Variants in STON2 observed in about 807,000 individuals in gnomAD.
STON2 encodes the protein stonin-2.
In STON2, 29 loss-of-function variants were observed where a neutral mutation model predicts 65.7. The observed-to-expected ratio is 0.44, with a 90% confidence interval of 0.33 to 0.60. The LOEUF is 0.60. Ranked by LOEUF, STON2 falls within the 20% of genes least tolerant of loss-of-function variation. The probability of loss-of-function intolerance (pLI) is 0.03; values close to 1 mark genes in which losing one functional copy is unlikely to be tolerated. For synonymous variants in STON2, 404 were observed against 414.2 expected, an observed-to-expected ratio of 0.98 and a Z score of 0.30; for missense variants, 1,054 against 1,118.1, an observed-to-expected ratio of 0.94 and a Z score of 0.82.
intron 4 of STON2, among the ~76,000 whole-genome samples, chr14:81,344,053 C>A (rs559371196): frequency 6.6e-6 from 1 of 151,892 alleles, no homozygotes; most frequent in Admixed American, 6.6e-5. Flanking sequence ...CTCTTTCATA[C>A]GGAAAAGACA....
At chr14:81,429,230 C>T (rs530168126) in intron 1 of STON2, among the ~76,000 whole-genome samples, 4 of 152,182 alleles carry the variant, frequency 2.6e-5, no homozygotes, top group Non-Finnish European at 5.9e-5. Flanking sequence ...ACCATCCTTA[C>T]GGAGATATGA....
chr14:81,403,571 A>C (rs1045010335), upstream of STON2, among the ~76,000 whole-genome samples: 3 of 152,168 alleles, frequency 2.0e-5, no homozygotes, highest in Non-Finnish European at 4.4e-5. Flanking sequence ...AACTTGACCC[A>C]AGCCCAGAAG....
At chr14:81,341,187 G>C (rs1391197099) in intron 4 of STON2, among the ~76,000 whole-genome samples, 3 of 151,982 alleles carry the variant, frequency 2.0e-5, no homozygotes, top group African/African-American at 7.2e-5. Context: ...GATTTTCTTA[G>C]GCCAAGTTCA....
intron 5 of STON2, among the ~76,000 whole-genome samples, chr14:81,292,524 G>A (rs533293530): frequency 1.2e-4 from 19 of 152,312 alleles, no homozygotes; most frequent in Middle Eastern, 3.4e-3. Flanking sequence ...GAGTTCTCAT[G>A]AGGTCTGATG....
chr14:81,419,660 G>A (rs1901607750), intron 2 of STON2, among the ~76,000 whole-genome samples: 1 of 152,192 alleles, frequency 6.6e-6, no homozygotes, highest in Non-Finnish European at 1.5e-5. Flanking sequence ...ACGCTCTAGA[G>A]ACCACCTGAT....
At chr14:81,340,403 C>T (rs1897560802) in intron 4 of STON2, among the ~76,000 whole-genome samples, 1 of 152,082 alleles carries the variant, frequency 6.6e-6, no homozygotes, top group Non-Finnish European at 1.5e-5. Context: ...CAGGTGGGTA[C>T]ATGTGTCAAA....
At chr14:81,306,131 A>T (rs1472107293) in intron 5 of STON2, among the ~76,000 whole-genome samples, 1 of 146,024 alleles carries the variant, frequency 6.8e-6, no homozygotes, top group Non-Finnish European at 1.5e-5. Context: ...TTGCAACCAA[A>T]GAATCCTATT....
rs142324312 is a variant in STON2, at chr14:81,335,795, C to T, written c.572-11608G>A. Among the ~76,000 whole-genome samples, 6 of 151,566 alleles carry T rather than the reference C, an allele frequency of 4.0e-5. No individual in the cohort carries two copies. In the East Asian group the frequency reaches 1.2e-3, roughly 29 times the overall value. On this transcript the variant is annotated intron_variant, in intron 4 of 7. Transcript: ENST00000614646. ...AAAAATACCAAAATGAGTGAAAGTA[C>T]GACCACAAAAAAAAATTATTTTGTT... is the stretch of plus-strand genomic sequence containing the variant.
chr14:81,398,412 G>C lies in STON2; in HGVS notation c.-30C>G, dbSNP rs771129484. 1 of 1,574,196 alleles carries C rather than the reference G, an allele frequency of 6.4e-7. No homozygotes were observed. ...AAAAGGCACTGGTCATCTTCACACT[G>C]CTGACCTCAGGTGAACCCCAGAATA... On this transcript the variant is annotated 5_prime_UTR_variant, in exon 2 of 8. Transcript: ENST00000614646.
chr14:81,410,513 C>T (rs1045771585), intron 2 of STON2, among the ~76,000 whole-genome samples: 4 of 152,114 alleles, frequency 2.6e-5, no homozygotes, highest in African/African-American at 9.7e-5. Context: ...GGGCTTCAGT[C>T]CTGCAACCAC....
At chr14:81,347,214 A>C (rs1162005329) in intron 4 of STON2, among the ~76,000 whole-genome samples, 2 of 152,120 alleles carry the variant, frequency 1.3e-5, no homozygotes, top group Non-Finnish European at 2.9e-5. Context: ...GTTCCCAATA[A>C]ACAAAATCTG....
intron 5 of STON2, among the ~76,000 whole-genome samples, chr14:81,303,944 T>C (rs1896070264): frequency 6.6e-6 from 1 of 152,188 alleles, no homozygotes; most frequent in African/African-American, 2.4e-5. Flanking sequence ...AACAATTGCC[T>C]TTGTGCTCCT....
chr14:81,342,291 C>T (rs1356082057), intron 4 of STON2, among the ~76,000 whole-genome samples: 4 of 151,946 alleles, frequency 2.6e-5, no homozygotes, highest in African/African-American at 7.2e-5. Context: ...CCCACAACCA[C>T]GCCCAGCTAA....
At chr14:81,323,555 C>T (rs1437784305) in intron 5 of STON2, 1 of 152,206 alleles carries the variant, frequency 6.6e-6, no homozygotes, top group Non-Finnish European at 1.5e-5. Flanking sequence ...CCACACTGAA[C>T]TCCTTTAAAT....
At chr14:81,288,456 T>C (rs1446261909) in intron 5 of STON2, among the ~76,000 whole-genome samples, 4 of 152,242 alleles carry the variant, frequency 2.6e-5, no homozygotes, top group African/African-American at 9.6e-5. Context: ...AGCATGTTAC[T>C]GTACTGAATA....
chr14:81,361,163 AAAAAC>A (rs1252830228), intron 4 of STON2, among the ~76,000 whole-genome samples: 1 of 152,142 alleles, frequency 6.6e-6, no homozygotes, highest in Non-Finnish European at 1.5e-5. Context: ...ACACTGAATT[AAAAAC>A]AAAACAAAAC....
intron 5 of STON2, among the ~76,000 whole-genome samples, chr14:81,287,726 G>C (rs1895392628): frequency 6.6e-6 from 1 of 152,096 alleles, no homozygotes; most frequent in Non-Finnish European, 1.5e-5. Context: ...TTTTCTCTCT[G>C]GTTCTAAACT....
chr14:81,311,872 A>G (rs1896439414), intron 5 of STON2, among the ~76,000 whole-genome samples: 1 of 152,222 alleles, frequency 6.6e-6, no homozygotes, highest in Non-Finnish European at 1.5e-5. Context: ...TATTTTTTAA[A>G]TGAAGGTTGG....
intron 2 of STON2, among the ~76,000 whole-genome samples, chr14:81,410,239 T>C (rs1291846470): frequency 5.5e-5 from 7 of 128,224 alleles, no homozygotes; most frequent in Non-Finnish European, 9.2e-5. Flanking sequence ...GCTATTAGAA[T>C]TAGACTTTCT....
Sources: gnomAD v4.1 joint callset for allele counts (sites outside exome capture counted in the v4.1 genomes callset) on GRCh38, gnomAD v4.1.1 for gene constraint, MANE v1.5 for transcripts, NCBI Gene and HGNC (gene_info 2026-07-23, HGNC 2026-07-21) for gene names.